The following RPS6KC1 variants were observed in gnomAD, a reference collection of about 807,000 sequenced individuals.
RPS6KC1 encodes ribosomal protein S6 kinase C1, also known as inactive ribosomal protein S6 kinase delta-1.
A neutral mutation model predicts 103.8 loss-of-function variants in RPS6KC1; 54 were observed. The observed-to-expected ratio is 0.52, with a 90% confidence interval of 0.42 to 0.65. RPS6KC1 has a LOEUF of 0.65. RPS6KC1 is among the 30% of genes least tolerant of loss of function. The pLI, the probability that RPS6KC1 is intolerant of heterozygous loss-of-function variation, is 0.00. For synonymous variants in RPS6KC1, 439 were observed against 438.7 expected, an observed-to-expected ratio of 1.00 and a Z score of -0.01; for missense variants, 1,151 against 1,253.8, an observed-to-expected ratio of 0.92 and a Z score of 1.24.
chr1:213,653,060 A>C, the RPS6KC1 span, among the ~76,000 whole-genome samples: 2 of 152,206 alleles, frequency 1.3e-5, no homozygotes, highest in African/African-American at 4.8e-5. Context: ...GTGAGATTGA[A>C]CCAGGGAGAC....
chr1:213,639,970 T>C, the RPS6KC1 span, among the ~76,000 whole-genome samples: 3 of 152,104 alleles, frequency 2.0e-5, no homozygotes, highest in East Asian at 5.8e-4. Flanking sequence ...AGAATTGGTG[T>C]TATTTTTTCT....
At chr1:213,655,882 T>G in the RPS6KC1 span, among the ~76,000 whole-genome samples, 3 of 152,178 alleles carry the variant, frequency 2.0e-5, no homozygotes, top group Non-Finnish European at 4.4e-5. Context: ...CTGTGTATTG[T>G]GATGTTAAGG....
intron 6 of RPS6KC1, among the ~76,000 whole-genome samples, chr1:213,137,307 GTTTT>G (rs143550664): frequency 6.6e-6 from 1 of 150,910 alleles, no homozygotes; most frequent in Non-Finnish European, 1.5e-5. Context: ...TATAAAGCCT[GTTTT>G]TTTTATTTTT....
At chr1:213,285,084 T>C in the RPS6KC1 span, among the ~76,000 whole-genome samples, 2 of 152,242 alleles carry the variant, frequency 1.3e-5, no homozygotes, top group Non-Finnish European at 2.9e-5. Flanking sequence ...GGATGACTTA[T>C]AAACAACAAA....
chr1:213,323,734 C>G, the RPS6KC1 span, among the ~76,000 whole-genome samples: 1 of 152,102 alleles, frequency 6.6e-6, no homozygotes, highest in Non-Finnish European at 1.5e-5. Context: ...TAGGTTCACA[C>G]AGCAAACGTG....
the RPS6KC1 span, among the ~76,000 whole-genome samples, chr1:213,775,482 G>T: frequency 3.3e-5 from 5 of 152,082 alleles, no homozygotes; most frequent in African/African-American, 9.7e-5. Flanking sequence ...GTTTCTTGGT[G>T]CATATAAAAG....
chr1:213,839,095 C>T, the RPS6KC1 span, among the ~76,000 whole-genome samples: 1 of 152,228 alleles, frequency 6.6e-6, no homozygotes, highest in South Asian at 2.1e-4. Flanking sequence ...TATCATGTAA[C>T]TTTTACAGTT....
At chr1:213,508,573 T>C in the RPS6KC1 span, among the ~76,000 whole-genome samples, 1 of 152,158 alleles carries the variant, frequency 6.6e-6, no homozygotes, top group Non-Finnish European at 1.5e-5. Context: ...CTGGAGTTTG[T>C]GGGTGATGGT....
chr1:213,854,772 A>G, the RPS6KC1 span, among the ~76,000 whole-genome samples: 1 of 152,156 alleles, frequency 6.6e-6, no homozygotes, highest in Non-Finnish European at 1.5e-5. Flanking sequence ...TCGTACAGAA[A>G]TCCAAAATTT....
Position 213,240,965 on chromosome 1 carries a change from T to G in RPS6KC1, c.1489T>G (p.Trp497Gly). ...EDDGQDSSPK[W>G]PDSGSSSEEE... ...TGATGGCCAAGATAGCTCTCCAAAG[T>G]GGCCAGATTCTGGTTCAAGTTCAGA... The change falls in exon 11 of 15, where the codon TGG (tryptophan) becomes GGG (glycine). Residue 497 changes from tryptophan (W) to glycine (G), a missense_variant. By Grantham distance (184) the Trp-to-Gly change is radical. This residue lies in a region of RPS6KC1 where 959 missense variants were observed against 1,006.3 expected (regional missense o/e 0.95). Transcript: ENST00000366960. 6.2e-7 allele frequency: 1 copy of G among 1,613,854 alleles called. No homozygotes were observed. Among genetic ancestry groups the G allele is most frequent in the East Asian group, 2.2e-5 (1 of 44,862 alleles).
the RPS6KC1 span, among the ~76,000 whole-genome samples, chr1:213,401,891 A>C: frequency 6.6e-6 from 1 of 151,960 alleles, no homozygotes; most frequent in African/African-American, 2.4e-5. Context: ...GGCTCAAGTG[A>C]TTCTCCAACC....
At chr1:213,312,252 G>T in the RPS6KC1 span, among the ~76,000 whole-genome samples, 1 of 85,160 alleles carries the variant, frequency 1.2e-5, no homozygotes, top group African/African-American at 3.0e-5. Context: ...TCCCAGTGCA[G>T]GGGGGGCAAC....
At chr1:213,544,548 G>A in the RPS6KC1 span, among the ~76,000 whole-genome samples, 2 of 152,182 alleles carry the variant, frequency 1.3e-5, no homozygotes, top group African/African-American at 4.8e-5. Flanking sequence ...GCCCCTCTGT[G>A]TGTTCCCTCT....
chr1:213,402,395 C>T, the RPS6KC1 span, among the ~76,000 whole-genome samples: 1 of 152,196 alleles, frequency 6.6e-6, no homozygotes, highest in Non-Finnish European at 1.5e-5. Flanking sequence ...ACCCCCTCCT[C>T]AACCTCTTCA....
chr1:213,707,334 G>T, the RPS6KC1 span, among the ~76,000 whole-genome samples: 3 of 151,934 alleles, frequency 2.0e-5, no homozygotes, highest in Non-Finnish European at 2.9e-5. Context: ...TTTATTGGCC[G>T]CATAAATGTC....
intron 3 of RPS6KC1, among the ~76,000 whole-genome samples, chr1:213,079,387 A>G (rs973705754): frequency 6.6e-6 from 1 of 152,032 alleles, no homozygotes; most frequent in African/African-American, 2.4e-5. Context: ...TTGTAACATC[A>G]TTTTCCTTTA....
the RPS6KC1 span, among the ~76,000 whole-genome samples, chr1:213,509,531 T>G: frequency 6.6e-6 from 1 of 152,222 alleles, no homozygotes; most frequent in Admixed American, 6.5e-5. Flanking sequence ...TGGGATTTAA[T>G]TTCTTCAAGG....
intron 8 of RPS6KC1, among the ~76,000 whole-genome samples, chr1:213,217,059 T>C (rs1434570248): frequency 2.6e-5 from 4 of 151,598 alleles, no homozygotes; most frequent in Admixed American, 2.6e-4. Flanking sequence ...CAAAAAACCC[T>C]TCAAAACATC....
chr1:213,449,232 A>C, the RPS6KC1 span, among the ~76,000 whole-genome samples: 2 of 148,518 alleles, frequency 1.3e-5, no homozygotes, highest in Non-Finnish European at 3.0e-5. Flanking sequence ...ACCAAGCCCC[A>C]GTACCCACTT....
Sources: gnomAD v4.1 joint callset for allele counts (sites outside exome capture counted in the v4.1 genomes callset) on GRCh38, gnomAD v4.1.1 for gene constraint, gnomAD v4.1.1 regional missense constraint, MANE v1.5 for transcripts, NCBI Gene and HGNC (gene_info 2026-07-23, HGNC 2026-07-21) for gene names.